Variants in STON1 observed in about 807,000 individuals in gnomAD.
STON1 encodes the protein stonin-1.
Under a neutral mutation model 60.9 loss-of-function variants are expected in STON1, and 79 were observed. The ratio of observed to expected loss-of-function variants is 1.30; its 90% confidence interval spans 1.08 to 1.56. The LOEUF (loss-of-function observed/expected upper bound fraction) is 1.56. Among genes scored for constraint, STON1 ranks in the 40% most tolerant of loss-of-function variants. The pLI, the probability that STON1 is intolerant of heterozygous loss-of-function variation, is 0.00. For missense variants in STON1, 1,166 were observed against 858.9 expected (o/e 1.36, Z -4.47); for synonymous variants, 363 against 306.9 (o/e 1.18, Z -1.91).
chr2:48,595,098 A>C, intron 3 of STON1, 130 bp from the exon 4 acceptor site: 1 of 724,216 alleles, frequency 1.4e-6, no homozygotes, highest in East Asian at 2.8e-5. Flanking sequence ...GTAGGAGGGT[A>C]GAGGGCTGTG....
At chr2:48,545,940 A>T (rs1217399326) in intron 1 of STON1, among the ~76,000 whole-genome samples, 1 of 152,206 alleles carries the variant, frequency 6.6e-6, no homozygotes, top group Admixed American at 6.5e-5. Context: ...GTGATGTTGC[A>T]GTTCTGCAAA....
At chr2:48,589,764 A>G (rs998605301) in intron 2 of STON1, among the ~76,000 whole-genome samples, 3 of 152,234 alleles carry the variant, frequency 2.0e-5, no homozygotes, top group Non-Finnish European at 2.9e-5. Context: ...CATGTGTAGT[A>G]TAATTTTTAA....
At chr2:48,542,232 C>T (rs1160117713) in intron 1 of STON1, among the ~76,000 whole-genome samples, 4 of 152,200 alleles carry the variant, frequency 2.6e-5, no homozygotes, top group Admixed American at 1.3e-4. Context: ...TGAAAGCAGT[C>T]TACACAAAGA....
chr2:48,532,661 G>A lies in STON1; in HGVS notation c.-48+2445G>A, dbSNP rs137899057. On this transcript the variant is annotated intron_variant, in intron 1 of 3. Transcript: ENST00000404752. Reference sequence around the variant, plus strand: ...CTTTTGCACTATCTCATGAAATATTGTTAGACTGGATGGTTTGCCACGGGT... The same window carrying A: ...CTTTTGCACTATCTCATGAAATATTATTAGACTGGATGGTTTGCCACGGGT... Among the ~76,000 whole-genome samples, 571 of 148,894 alleles carry A rather than the reference G, an allele frequency of 3.8e-3. 1 individual carries two copies. The highest frequency in any genetic ancestry group is 0.013 in the African/African-American group (527 of 41,364).
chr2:48,597,191 T>TC lies in STON1; in HGVS notation c.*1889_*1890insC, dbSNP rs1674818429. 1 of 152,198 alleles carries TC rather than the reference T, an allele frequency of 6.6e-6. No homozygotes were observed. Among genetic ancestry groups the TC allele is most frequent in the Non-Finnish European group, 1.5e-5 (1 of 68,036 alleles). The allele number at this position is 152,198 out of a possible 1,614,324, so 9.4% of individuals were successfully genotyped here. Reference sequence around the variant, plus strand: ...TTAACTTCATTTGATGCCTTGCTTATAATATCATATGCTTGAGGCTCACTG... The same window carrying TC: ...TTAACTTCATTTGATGCCTTGCTTATCAATATCATATGCTTGAGGCTCACTG... On this transcript the variant is annotated 3_prime_UTR_variant, in exon 4 of 4. Transcript: ENST00000404752.
intron 1 of STON1, among the ~76,000 whole-genome samples, chr2:48,556,175 C>T (rs1572942743): frequency 4.1e-5 from 1 of 24,280 alleles, no homozygotes; most frequent in Non-Finnish European, 9.0e-5. Flanking sequence ...GGCGCTGACC[C>T]CCCCACCTCC....
Position 48,544,999 on chromosome 2 carries a change from CTTA to C in STON1, c.-48+14785_-48+14787del, listed in dbSNP as rs1572930933. Among the ~76,000 whole-genome samples the C allele has an allele frequency of 2.0e-5, 3 of 152,278 alleles. No homozygotes were observed. The East Asian group carries it at 5.8e-4, about 29-fold the overall frequency. ...GCTCATTTGTGGCTTGAGGCAGAGC[CTTA>C]TACATTTTGTGAAACTCCCGGTGAC... On this transcript the variant is annotated intron_variant, in intron 1 of 3. Transcript: ENST00000404752.
chr2:48,586,893 G>C (rs76304933), intron 2 of STON1, among the ~76,000 whole-genome samples: 9,890 of 152,214 alleles, frequency 0.065, 436 homozygotes, highest in East Asian at 0.21. Context: ...GAATTCAGGG[G>C]AGGTGCCCCT....
At chr2:48,572,329 C>A (rs1446057722) in intron 1 of STON1, among the ~76,000 whole-genome samples, 1 of 152,082 alleles carries the variant, frequency 6.6e-6, no homozygotes, top group African/African-American at 2.4e-5. Flanking sequence ...CTATTGGGCA[C>A]CATATGAAGT....
intron 1 of STON1, among the ~76,000 whole-genome samples, chr2:48,542,048 G>C (rs1022315447): frequency 3.3e-5 from 5 of 152,190 alleles, no homozygotes; most frequent in Admixed American, 6.5e-5. Flanking sequence ...AAAACATGTG[G>C]AAAAGTTCCT....
chr2:48,542,278 C>T (rs1182014123), intron 1 of STON1, among the ~76,000 whole-genome samples: 3 of 152,162 alleles, frequency 2.0e-5, no homozygotes, highest in African/African-American at 7.2e-5. Flanking sequence ...CTCCTCTGGC[C>T]CTTTTAAGAG....
chr2:48,567,851 C>G (rs1338245370), intron 1 of STON1, among the ~76,000 whole-genome samples: 2 of 145,950 alleles, frequency 1.4e-5, no homozygotes, highest in Non-Finnish European at 3.0e-5. Context: ...TTGCAGCCCT[C>G]CAATCATACA....
intron 1 of STON1, among the ~76,000 whole-genome samples, chr2:48,555,164 C>A (rs1672270350): frequency 1.1e-5 from 1 of 94,234 alleles, no homozygotes; most frequent in Non-Finnish European, 2.2e-5. Context: ...ATTTCTCAAT[C>A]TTTTCCCCGC....
intron 1 of STON1, among the ~76,000 whole-genome samples, chr2:48,572,570 C>T (rs1043039282): frequency 1.3e-5 from 2 of 152,124 alleles, no homozygotes; most frequent in African/African-American, 2.4e-5. Context: ...TTATTTGTCT[C>T]ATAATAAGCA....
At chr2:48,544,991 G>A (rs1027525032) in intron 1 of STON1, among the ~76,000 whole-genome samples, 5 of 152,320 alleles carry the variant, frequency 3.3e-5, no homozygotes, top group East Asian at 1.9e-4. Context: ...TGTGGCTTGA[G>A]GCAGAGCCTT....
At chr2:48,562,574 C>T (rs914775606) in intron 1 of STON1, among the ~76,000 whole-genome samples, 5 of 152,316 alleles carry the variant, frequency 3.3e-5, no homozygotes, top group African/African-American at 2.4e-5. Flanking sequence ...CCAAAAGATA[C>T]GAAGCAACAC....
intron 1 of STON1, among the ~76,000 whole-genome samples, chr2:48,567,249 A>G (rs914600846): frequency 2.0e-5 from 3 of 152,192 alleles, no homozygotes; most frequent in Non-Finnish European, 4.4e-5. Context: ...TGTGCTAATA[A>G]TATGGTTCAT....
chr2:48,550,446 G>A (rs1672050764), intron 1 of STON1, among the ~76,000 whole-genome samples: 3 of 150,280 alleles, frequency 2.0e-5, no homozygotes, highest in Admixed American at 1.3e-4. Flanking sequence ...GTAGTCAGCT[G>A]AGATTGCACC....
At position 48,538,789 on chromosome 2, in the gene STON1, T is replaced by A. The variant is rs573549840; in HGVS notation, c.-48+8573T>A. On this transcript the variant is annotated intron_variant, in intron 1 of 3. Transcript: ENST00000404752. ...TTTTTTTTTTTTTTTTTTTTTTTTT[T>A]ATATTTTCTGTAGAGATGCAGTTTT... Among the ~76,000 whole-genome samples, 235 of 120,424 alleles carry A rather than the reference T, an allele frequency of 2.0e-3. 1 individual carries two copies. The highest frequency in any genetic ancestry group is 0.011 in the South Asian group (39 of 3,512). The allele number at this position is 120,424 out of a possible 152,430, so 79.0% of individuals were successfully genotyped here.
Sources: gnomAD v4.1 joint callset for allele counts (sites outside exome capture counted in the v4.1 genomes callset) on GRCh38, gnomAD v4.1.1 for gene constraint, MANE v1.5 for transcripts, NCBI Gene and HGNC (gene_info 2026-07-23, HGNC 2026-07-21) for gene names.